Variants in CDK15 observed in about 807,000 individuals in gnomAD.
CDK15 encodes the protein cyclin-dependent kinase 15.
In CDK15, 62 loss-of-function variants were observed where a neutral mutation model predicts 60.3. That is an observed-to-expected ratio of 1.03 (90% confidence interval 0.84 to 1.27). The LOEUF (loss-of-function observed/expected upper bound fraction) is 1.27, where lower values mean the gene tolerates loss of function less well. Ranked by LOEUF, CDK15 falls within the 50% of genes most tolerant of loss-of-function variation. The pLI is 0.00. For synonymous variants in CDK15, 194 were observed against 195.7 expected (o/e 0.99, Z 0.07); for missense variants, 541 against 527.8 (o/e 1.03, Z -0.25).
At chr2:201,883,620 C>T (rs141461230) in intron 12 of CDK15, among the ~76,000 whole-genome samples, 44 of 152,318 alleles carry the variant, frequency 2.9e-4, no homozygotes, top group African/African-American at 9.9e-4. Flanking sequence ...GACATTTTCC[C>T]TTATTGACTC....
chr2:201,814,537 G>T (rs1368189360), intron 4 of CDK15, among the ~76,000 whole-genome samples: 2 of 152,130 alleles, frequency 1.3e-5, no homozygotes, highest in African/African-American at 2.4e-5. Context: ...GAAAACTTTG[G>T]CACTGTCCCA....
intron 3 of CDK15, among the ~76,000 whole-genome samples, chr2:201,810,891 CT>C (rs1695729072): frequency 7.0e-6 from 1 of 143,210 alleles, no homozygotes; most frequent in African/African-American, 2.7e-5. Flanking sequence ...GTCGCCCAGG[CT>C]GGGGTGCAGT....
chr2:201,809,889 G>T (rs2052247), intron 3 of CDK15, among the ~76,000 whole-genome samples: 57,593 of 151,640 alleles, frequency 0.38, 12,066 homozygotes, highest in African/African-American at 0.56. Flanking sequence ...ACTCCCCCTC[G>T]CCATCAGATT....
intron 6 of CDK15, among the ~76,000 whole-genome samples, chr2:201,829,730 A>T (rs954169493): frequency 6.6e-6 from 1 of 152,140 alleles, no homozygotes; most frequent in African/African-American, 2.4e-5. Flanking sequence ...ATAACAGAAG[A>T]TCAAAGACGG....
chr2:201,835,566 G>A (rs1274898687), intron 7 of CDK15, 77 bp from the exon 8 acceptor site: 15 of 1,389,778 alleles, frequency 1.1e-5, no homozygotes, highest in African/African-American at 2.9e-5. Flanking sequence ...TTCTAATGGT[G>A]TTTACCCTGG....
intron 6 of CDK15, among the ~76,000 whole-genome samples, chr2:201,825,644 G>A (rs1479207879): frequency 2.6e-5 from 4 of 152,190 alleles, no homozygotes; most frequent in Non-Finnish European, 4.4e-5. Context: ...ACCATCGCGG[G>A]ACTTTTTTTT....
chr2:201,890,419 CTGTT>C (rs1209055149), intron 12 of CDK15, among the ~76,000 whole-genome samples: 1 of 152,194 alleles, frequency 6.6e-6, no homozygotes, highest in Non-Finnish European at 1.5e-5. Context: ...TGTCTATGCT[CTGTT>C]TGTGCTCCAT....
At position 201,895,297 on chromosome 2, in the gene CDK15, C is replaced by A. The variant is rs893401833; in HGVS notation, c.*2030C>A. 6.6e-6 allele frequency: 1 copy of A among 152,104 alleles called. No homozygotes were observed. The highest frequency in any genetic ancestry group is 1.5e-5 in the Non-Finnish European group (1 of 68,038). The allele number at this position is 152,104 out of a possible 1,614,324, so 9.4% of individuals were successfully genotyped here. The stretch of plus-strand genomic sequence containing the variant: ...GAATTATGCTTAGATACTATTGCTG[C>A]AGGAATGAATAGACAAATTTTGTTA... On this transcript the variant is annotated 3_prime_UTR_variant, in exon 14 of 14. Coordinates refer to ENST00000652192, the MANE Select transcript of CDK15 (RefSeq NM_001366386.2).
At chr2:201,876,595 G>A (rs1310108119) in intron 11 of CDK15, 1 of 1,287,722 alleles carries the variant, frequency 7.8e-7, no homozygotes, top group Non-Finnish European at 1.0e-6. Flanking sequence ...GAGAAGCAAA[G>A]TGCAGCAGTC....
At chr2:201,862,587 G>A (rs1441926544) in intron 10 of CDK15, among the ~76,000 whole-genome samples, 1 of 152,150 alleles carries the variant, frequency 6.6e-6, no homozygotes, top group African/African-American at 2.4e-5. Context: ...GACTAACTAT[G>A]AGCTAGACAC....
intron 13 of CDK15, among the ~76,000 whole-genome samples, chr2:201,891,933 G>A (rs1202241768): frequency 2.0e-5 from 3 of 152,052 alleles, no homozygotes; most frequent in Non-Finnish European, 4.4e-5. Context: ...GTAACCACCG[G>A]TATCTCCCTA....
intron 12 of CDK15, among the ~76,000 whole-genome samples, chr2:201,883,976 C>G (rs1184946191): frequency 6.6e-6 from 1 of 152,172 alleles, no homozygotes; most frequent in African/African-American, 2.4e-5. Context: ...ATTAAGCTGC[C>G]CCTTCTTAAA....
At position 201,894,490 on chromosome 2, in the gene CDK15, C is replaced by T. The variant is rs1699724269; in HGVS notation, c.*1223C>T. 6.6e-6 allele frequency: 1 copy of T among 152,144 alleles called. No homozygotes were observed. Among genetic ancestry groups the T allele is most frequent in the South Asian group, 2.1e-4 (1 of 4,822 alleles). 9.4% of individuals were successfully genotyped at this position (152,144 alleles called of 1,614,324 possible). A position where few individuals can be genotyped will look rare whatever the true frequency, so the allele number is the denominator to read the frequency against. ...ATGGAGCAGATATATGTACTCAAATCATGGTGTTTATTTAACCCAGAGAAA... is the reference window on the plus strand; with the variant it reads ...ATGGAGCAGATATATGTACTCAAATTATGGTGTTTATTTAACCCAGAGAAA... On this transcript the variant is annotated 3_prime_UTR_variant, in exon 14 of 14. Transcript: ENST00000652192.
chr2:201,885,102 T>C lies in CDK15; in HGVS notation c.1198+4935T>C, dbSNP rs76572436. 4.6e-3 allele frequency among the ~76,000 whole-genome samples: 703 copies of C among 152,320 alleles called. 8 individuals are homozygous for C. The highest frequency in any genetic ancestry group is 0.016 in the African/African-American group (650 of 41,578). On this transcript the variant is annotated intron_variant, in intron 12 of 13. Coordinates refer to ENST00000652192, the MANE Select transcript of CDK15 (RefSeq NM_001366386.2). ...TCCTCTCAATACCATCTAAGATCAT[T>C]CTGAAGTTGTCTTCTTTTTAATCAT...
rs961278997 is a variant in CDK15 at position 201,837,523 on chromosome 2, G to T, written c.851+1760G>T. On this transcript the variant is annotated intron_variant, in intron 8 of 13. Coordinates refer to ENST00000652192, the MANE Select transcript of CDK15 (RefSeq NM_001366386.2). ...GGAAGGAAGGAAGGAAAGAAGGAAAGAATCCAGATAGGTGCTATCAAGTAA... is the reference window on the plus strand; with the variant it reads ...GGAAGGAAGGAAGGAAAGAAGGAAATAATCCAGATAGGTGCTATCAAGTAA... Among the ~76,000 whole-genome samples, 3 of 149,754 alleles carry T rather than the reference G, an allele frequency of 2.0e-5. No individual in the cohort carries two copies. In the South Asian group the frequency reaches 6.4e-4, roughly 32 times the overall value.
intron 9 of CDK15, among the ~76,000 whole-genome samples, chr2:201,852,866 A>G (rs1194897446): frequency 6.6e-6 from 1 of 152,252 alleles, no homozygotes; most frequent in Non-Finnish European, 1.5e-5. Context: ...AGCTTTGAAC[A>G]TAAGATTAAA....
chr2:201,841,664 T>G (rs1697389551), intron 8 of CDK15, among the ~76,000 whole-genome samples: 1 of 152,192 alleles, frequency 6.6e-6, no homozygotes, highest in African/African-American at 2.4e-5. Context: ...GGGTCAGCAT[T>G]AGTGCATTTG....
At position 201,854,155 on chromosome 2, in the gene CDK15, C is replaced by A. The variant is rs76466069; in HGVS notation, c.946-719C>A. Among the ~76,000 whole-genome samples, 910 of 151,868 alleles carry A rather than the reference C, an allele frequency of 6.0e-3. 17 individuals carry two copies. The highest frequency in any genetic ancestry group is 0.022 in the East Asian group (112 of 5,156). ...CATCACTGCACTCCAGCCTGGGCGA[C>A]AGAGCGAGACTCCGTCTCAAAAAAA... is the stretch of plus-strand genomic sequence containing the variant. On this transcript the variant is annotated intron_variant, in intron 9 of 13. Transcript: ENST00000652192.
chr2:201,829,419 C>T (rs773307488), intron 6 of CDK15, among the ~76,000 whole-genome samples: 5 of 152,020 alleles, frequency 3.3e-5, no homozygotes, highest in Non-Finnish European at 5.9e-5. Context: ...CCGGAACTGA[C>T]GGGAAAAACA....
Sources: allele counts gnomAD v4.1 joint callset (sites outside exome capture counted in the v4.1 genomes callset), GRCh38; gene constraint gnomAD v4.1.1; transcripts MANE v1.5; gene names NCBI Gene and HGNC (gene_info 2026-07-23, HGNC 2026-07-21).